The following LRRC72 variants were observed in gnomAD, a reference collection of about 807,000 sequenced individuals.
The protein encoded by LRRC72 is leucine-rich repeat-containing protein 72.
LRRC72 carries 41 observed loss-of-function variants against 35.8 expected under a neutral mutation model. That is an observed-to-expected ratio of 1.15 (90% CI 0.89 to 1.49). LRRC72 has a LOEUF of 1.49. Ranked by LOEUF, LRRC72 falls within the 40% of genes most tolerant of loss-of-function variation. The pLI, the probability that LRRC72 is intolerant of heterozygous loss-of-function variation, is 0.00. For synonymous variants in LRRC72, 118 were observed against 119.2 expected, an observed-to-expected ratio of 0.99 and a Z score of 0.07; for missense variants, 389 against 330.7, an observed-to-expected ratio of 1.18 and a Z score of -1.37.
At chr7:16,542,262 A>C (rs1782370535) in intron 3 of LRRC72, among the ~76,000 whole-genome samples, 1 of 152,164 alleles carries the variant, frequency 6.6e-6, no homozygotes, top group Non-Finnish European at 1.5e-5. Flanking sequence ...GATCGCATGC[A>C]CCATCAACTG....
At chr7:16,542,793 G>C (rs1023819544) in intron 3 of LRRC72, among the ~76,000 whole-genome samples, 6 of 152,222 alleles carry the variant, frequency 3.9e-5, no homozygotes, top group African/African-American at 1.4e-4. Context: ...TTTAGGAATA[G>C]AATGTGAGGG....
chr7:16,549,553 C>G (rs1330538933), intron 3 of LRRC72, among the ~76,000 whole-genome samples: 1 of 152,180 alleles, frequency 6.6e-6, no homozygotes, highest in African/African-American at 2.4e-5. Flanking sequence ...ATTTCCACTG[C>G]TATGGAAAGC....
At chr7:16,560,580 A>G (rs942525390) in intron 5 of LRRC72, among the ~76,000 whole-genome samples, 1 of 152,028 alleles carries the variant, frequency 6.6e-6, no homozygotes, top group African/African-American at 2.4e-5. Context: ...ATGCTGCTAT[A>G]ATTAAAAGAC....
chr7:16,546,116 A>G (rs1782439103), intron 3 of LRRC72, among the ~76,000 whole-genome samples: 1 of 152,202 alleles, frequency 6.6e-6, no homozygotes, highest in South Asian at 2.1e-4. Context: ...TTACTCCTAT[A>G]TAATTTAGGG....
At chr7:16,538,651 T>C (rs1782305244) in intron 3 of LRRC72, among the ~76,000 whole-genome samples, 1 of 152,228 alleles carries the variant, frequency 6.6e-6, no homozygotes, top group Non-Finnish European at 1.5e-5. Flanking sequence ...TCCACCCGAA[T>C]CTCATCTCAA....
intron 7 of LRRC72, among the ~76,000 whole-genome samples, chr7:16,575,743 T>G (rs1783029009): frequency 6.6e-6 from 1 of 152,194 alleles, no homozygotes; most frequent in Non-Finnish European, 1.5e-5. Context: ...ATGGCCCAAA[T>G]GGAATGTTAT....
intron 7 of LRRC72, among the ~76,000 whole-genome samples, chr7:16,568,686 G>A (rs988506099): frequency 6.6e-6 from 1 of 152,050 alleles, no homozygotes; most frequent in East Asian, 1.9e-4. Flanking sequence ...CAGACAAAAT[G>A]AATCCAAACA....
chr7:16,565,428 T>TGA (rs1304185167), intron 5 of LRRC72, among the ~76,000 whole-genome samples: 2 of 119,264 alleles, frequency 1.7e-5, no homozygotes, highest in African/African-American at 4.1e-5. Flanking sequence ...CAAGACTCTG[T>TGA]CAAAAAAAAA....
At chr7:16,569,285 G>C (rs1188700225) in intron 7 of LRRC72, among the ~76,000 whole-genome samples, 1 of 152,068 alleles carries the variant, frequency 6.6e-6, no homozygotes, top group African/African-American at 2.4e-5. Flanking sequence ...AATTAGCCAG[G>C]CATGGTGGCA....
intron 3 of LRRC72, among the ~76,000 whole-genome samples, chr7:16,551,145 A>G (rs1476500720): frequency 1.3e-5 from 2 of 152,214 alleles, no homozygotes; most frequent in Non-Finnish European, 2.9e-5. Context: ...CAAAAAGGAG[A>G]CTAGGACAGA....
intron 7 of LRRC72, among the ~76,000 whole-genome samples, chr7:16,570,581 G>T (rs1409311249): frequency 6.6e-6 from 1 of 152,128 alleles, no homozygotes; most frequent in Non-Finnish European, 1.5e-5. Context: ...CACTTTGGGA[G>T]GGCTAGGTGG....
intron 5 of LRRC72, among the ~76,000 whole-genome samples, chr7:16,563,063 G>C (rs1286082559): frequency 6.6e-6 from 1 of 152,134 alleles, no homozygotes; most frequent in Admixed American, 6.5e-5. Context: ...ATTGACAGCT[G>C]AACTTCCTTC....
chr7:16,540,033 A>G (rs976810225), intron 3 of LRRC72, among the ~76,000 whole-genome samples: 10 of 152,340 alleles, frequency 6.6e-5, no homozygotes, highest in Non-Finnish European at 1.5e-4. Flanking sequence ...GAGGGCCATC[A>G]TCCTCCAGAC....
At chr7:16,528,365 G>C (rs978061754) in intron 1 of LRRC72, among the ~76,000 whole-genome samples, 1 of 151,952 alleles carries the variant, frequency 6.6e-6, no homozygotes, top group Non-Finnish European at 1.5e-5. Context: ...ATTTACCCTT[G>C]CAGCTTTCTG....
chr7:16,554,298 C>T (rs1373479105), intron 3 of LRRC72, among the ~76,000 whole-genome samples: 1 of 152,112 alleles, frequency 6.6e-6, no homozygotes, highest in Admixed American at 6.5e-5. Flanking sequence ...CCATTGCACT[C>T]CAGCCTGGGT....
chr7:16,543,599 C>G (rs945539432), intron 3 of LRRC72, among the ~76,000 whole-genome samples: 3 of 152,166 alleles, frequency 2.0e-5, no homozygotes, highest in Non-Finnish European at 4.4e-5. Flanking sequence ...TGGGTGGATC[C>G]TGAACTGTCT....
intron 3 of LRRC72, among the ~76,000 whole-genome samples, chr7:16,543,486 C>T (rs1345762962): frequency 1.3e-5 from 2 of 152,080 alleles, no homozygotes; most frequent in Non-Finnish European, 2.9e-5. Context: ...ATTTGTTGTC[C>T]ATTCGTGTCT....
At chr7:16,534,958 G>C (rs181670656) in intron 2 of LRRC72, among the ~76,000 whole-genome samples, 1 of 152,334 alleles carries the variant, frequency 6.6e-6, no homozygotes, top group Non-Finnish European at 1.5e-5. Flanking sequence ...AACACGTTGA[G>C]AGGCTGAGAC....
intron 3 of LRRC72, among the ~76,000 whole-genome samples, chr7:16,552,912 G>A (rs1038239274): frequency 3.3e-5 from 5 of 152,168 alleles, no homozygotes; most frequent in African/African-American, 1.2e-4. Context: ...CCATGTAGTA[G>A]CTGTATAATC....
Sources: allele counts gnomAD v4.1 joint callset (sites outside exome capture counted in the v4.1 genomes callset), GRCh38; gene constraint gnomAD v4.1.1; transcripts MANE v1.5; gene names NCBI Gene and HGNC (gene_info 2026-07-23, HGNC 2026-07-21).